Variants in ZNF804A observed in about 807,000 individuals in gnomAD.
ZNF804A encodes the protein zinc finger protein 804A.
In ZNF804A, 2 loss-of-function variants were observed where a neutral mutation model predicts 16.5. The observed-to-expected ratio is 0.12, with a 90% CI of 0.05 to 0.38. The LOEUF (loss-of-function observed/expected upper bound fraction) is 0.38. Ranked by LOEUF, ZNF804A falls within the 10% of genes least tolerant of loss-of-function variation. ZNF804A has a pLI of 0.99. For missense variants in ZNF804A, 1,473 were observed against 1,390.7 expected (o/e 1.06, Z -0.94); for synonymous variants, 534 against 489.6 (o/e 1.09, Z -1.20).
chr2:184,674,154 C>G (rs1574156834), intron 1 of ZNF804A, among the ~76,000 whole-genome samples: 1 of 151,994 alleles, frequency 6.6e-6, no homozygotes, highest in Middle Eastern at 3.4e-3. Flanking sequence ...GGTGTCTGTT[C>G]CTCATTTCTC....
At chr2:184,657,809 A>G (rs1299957649) in intron 1 of ZNF804A, among the ~76,000 whole-genome samples, 1 of 152,150 alleles carries the variant, frequency 6.6e-6, no homozygotes, top group Non-Finnish European at 1.5e-5. Flanking sequence ...AGTCATTATG[A>G]AAAGGTAGTT....
At chr2:184,842,554 A>T (rs909222432) in intron 1 of ZNF804A, among the ~76,000 whole-genome samples, 1 of 151,966 alleles carries the variant, frequency 6.6e-6, no homozygotes, top group Non-Finnish European at 1.5e-5. Flanking sequence ...ATTTTAGGAA[A>T]TAGTAGAACT....
chr2:184,923,145 T>G (rs1397497295), intron 2 of ZNF804A, among the ~76,000 whole-genome samples: 1 of 152,106 alleles, frequency 6.6e-6, no homozygotes, highest in Non-Finnish European at 1.5e-5. Context: ...TTGGGTAGTA[T>G]GTACATTTTA....
At chr2:184,636,420 G>A (rs1398751745) in intron 1 of ZNF804A, among the ~76,000 whole-genome samples, 7 of 118,592 alleles carry the variant, frequency 5.9e-5, no homozygotes, top group Non-Finnish European at 1.2e-4. Context: ...ACTGGCTCTA[G>A]GGCTGTGTGT....
chr2:184,618,068 T>C (rs1416541977), intron 1 of ZNF804A, among the ~76,000 whole-genome samples: 5 of 152,082 alleles, frequency 3.3e-5, no homozygotes, highest in African/African-American at 4.8e-5. Context: ...ATTTATTCCA[T>C]TGTGTTTAGT....
chr2:184,757,622 A>G (rs1030316898), intron 1 of ZNF804A, among the ~76,000 whole-genome samples: 15 of 152,016 alleles, frequency 9.9e-5, no homozygotes, highest in Admixed American at 9.2e-4. Context: ...CAATCAAATG[A>G]TTTGAAAGTT....
intron 1 of ZNF804A, among the ~76,000 whole-genome samples, chr2:184,718,652 A>C (rs1414721876): frequency 6.6e-6 from 1 of 152,154 alleles, no homozygotes; most frequent in Non-Finnish European, 1.5e-5. Context: ...GGGCAGTCAA[A>C]TCTTAAAGCT....
intron 1 of ZNF804A, among the ~76,000 whole-genome samples, chr2:184,684,104 A>T (rs1221246608): frequency 5.3e-5 from 8 of 152,142 alleles, no homozygotes; most frequent in African/African-American, 1.9e-4. Flanking sequence ...ATACTTTTTG[A>T]TAAGGAAGTG....
chr2:184,743,930 T>A (rs559836641), intron 1 of ZNF804A, among the ~76,000 whole-genome samples: 3 of 152,066 alleles, frequency 2.0e-5, no homozygotes, highest in Admixed American at 6.6e-5. Flanking sequence ...AGTAATTAGC[T>A]GCCTAGAGAA....
intron 2 of ZNF804A, among the ~76,000 whole-genome samples, chr2:184,921,307 A>G (rs1434604854): frequency 6.6e-6 from 1 of 152,186 alleles, no homozygotes; most frequent in Admixed American, 6.6e-5. Context: ...AAAGCAGTTG[A>G]ATATTATCAA....
At chr2:184,710,993 ATGATTTTAATATTT>A (rs2105736676) in intron 1 of ZNF804A, among the ~76,000 whole-genome samples, 1 of 151,906 alleles carries the variant, frequency 6.6e-6, no homozygotes, top group East Asian at 1.9e-4. Flanking sequence ...TTTGGAGATC[ATGATTTTAATATTT>A]TGGATATATA....
At chr2:184,863,491 C>T (rs796069720) in intron 1 of ZNF804A, among the ~76,000 whole-genome samples, 5 of 151,814 alleles carry the variant, frequency 3.3e-5, no homozygotes, top group African/African-American at 1.2e-4. Context: ...AAAACCTCCC[C>T]ACTTTTGTAG....
intron 1 of ZNF804A, among the ~76,000 whole-genome samples, chr2:184,735,819 G>T (rs188208085): frequency 6.6e-6 from 1 of 152,116 alleles, no homozygotes; most frequent in African/African-American, 2.4e-5. Flanking sequence ...AAAACTATGC[G>T]TAGTTTACTA....
chr2:184,752,398 T>C (rs1361426834), intron 1 of ZNF804A, among the ~76,000 whole-genome samples: 1 of 151,710 alleles, frequency 6.6e-6, no homozygotes, highest in Non-Finnish European at 1.5e-5. Context: ...AAATACTGTA[T>C]GTTCTTACTT....
intron 1 of ZNF804A, among the ~76,000 whole-genome samples, chr2:184,639,749 T>A (rs963460852): frequency 5.3e-5 from 8 of 152,114 alleles, no homozygotes; most frequent in Non-Finnish European, 1.0e-4. Context: ...AAGCCTGTAA[T>A]CCCAGCACTT....
chr2:184,733,158 A>T (rs1353457114), intron 1 of ZNF804A, among the ~76,000 whole-genome samples: 1 of 152,058 alleles, frequency 6.6e-6, no homozygotes, highest in African/African-American at 2.4e-5. Context: ...TGCTAGCTAT[A>T]GATTTATTGT....
At chr2:184,807,884 G>A in intron 1 of ZNF804A, among the ~76,000 whole-genome samples, 1 of 151,560 alleles carries the variant, frequency 6.6e-6, no homozygotes, top group East Asian at 1.9e-4. Flanking sequence ...TAGAGAAAGG[G>A]CAAGAAATAG....
In ZNF804A at chr2:184,925,160, T is replaced by C. The variant is rs1269441061; in HGVS notation, c.256-8443T>C. Among the ~76,000 whole-genome samples, 3 of 152,022 alleles carry C rather than the reference T, an allele frequency of 2.0e-5. No individual in the cohort carries two copies. The East Asian group carries it at 5.8e-4, about 29-fold the overall frequency. The stretch of plus-strand genomic sequence containing the variant: ...AAAGTCTCTCCAGCTGTTATTGTAC[T>C]GAGGTGTAGCTCTCTATTTAGCTCT... On this transcript the variant is annotated intron_variant, in intron 2 of 3. Coordinates refer to ENST00000302277, the MANE Select transcript of ZNF804A (RefSeq NM_194250.2).
At position 184,709,792 on chromosome 2, in the gene ZNF804A, C is replaced by CAT. The variant is rs201610046; in HGVS notation, c.111+110734_111+110735dup. On this transcript the variant is annotated intron_variant, in intron 1 of 3. Transcript: ENST00000302277. ...TACTGCTTTCCTTCTTTAGACTTTT[C>CAT]ATATATATATATAAAATATTGTGTA... Among the ~76,000 whole-genome samples, 139 of 148,446 alleles carry CAT rather than the reference C, an allele frequency of 9.4e-4. 2 individuals are homozygous for CAT. The East Asian group carries it at 0.015, about 16-fold the overall frequency.
Sources: allele counts gnomAD v4.1 joint callset (sites outside exome capture counted in the v4.1 genomes callset), GRCh38; gene constraint gnomAD v4.1.1; transcripts MANE v1.5; gene names NCBI Gene and HGNC (gene_info 2026-07-23, HGNC 2026-07-21).